Variants in PACSIN2 observed in about 807,000 individuals in gnomAD.
PACSIN2 encodes the protein protein kinase C and casein kinase substrate in neurons protein 2.
A neutral mutation model predicts 63.8 loss-of-function variants in PACSIN2; 25 were observed. The ratio of observed to expected loss-of-function variants is 0.39; its 90% CI spans 0.29 to 0.55. The LOEUF (loss-of-function observed/expected upper bound fraction) is 0.55. Ranked by LOEUF, PACSIN2 falls within the 20% of genes least tolerant of loss-of-function variation. The pLI is 0.62. For synonymous variants in PACSIN2, 255 were observed against 256.2 expected (o/e 1.00, Z 0.05); for missense variants, 518 against 646.9 (o/e 0.80, Z 2.16).
At chr22:42,952,636 C>A (rs886234562) in intron 1 of PACSIN2, among the ~76,000 whole-genome samples, 2 of 150,258 alleles carry the variant, frequency 1.3e-5, no homozygotes, top group African/African-American at 4.9e-5. Flanking sequence ...GGATTATAGA[C>A]GTTGAGCCAC....
At chr22:42,983,964 C>CTTTTT (rs532427677) in intron 1 of PACSIN2, among the ~76,000 whole-genome samples, 20 of 104,620 alleles carry the variant, frequency 1.9e-4, no homozygotes, top group African/African-American at 8.0e-4. Flanking sequence ...GCACTTAGCA[C>CTTTTT]TTTTTTTTTT....
intron 1 of PACSIN2, among the ~76,000 whole-genome samples, chr22:42,976,793 T>C (rs5759067): frequency 0.58 from 87,384 of 151,972 alleles, 25,555 homozygotes; most frequent in East Asian, 0.81. Context: ...TACAGCAGTA[T>C]TGTAATTGTC....
chr22:42,902,104 G>C (rs1396389390), intron 2 of PACSIN2, among the ~76,000 whole-genome samples: 4 of 152,356 alleles, frequency 2.6e-5, no homozygotes, highest in Middle Eastern at 6.8e-3. Context: ...GGGATATAGT[G>C]GTGAACAAAC....
At chr22:43,003,725 A>G (rs1194654701) in intron 1 of PACSIN2, among the ~76,000 whole-genome samples, 2 of 152,258 alleles carry the variant, frequency 1.3e-5, no homozygotes, top group African/African-American at 4.8e-5. Context: ...AGTCCTCTAC[A>G]GAAACACAAT....
chr22:42,938,670 T>C (rs539047546), intron 1 of PACSIN2, among the ~76,000 whole-genome samples: 26 of 152,328 alleles, frequency 1.7e-4, no homozygotes, highest in Admixed American at 9.1e-4. Flanking sequence ...CCTGGCACAG[T>C]GGCATTCCGG....
chr22:42,946,370 C>T (rs1382429149), intron 1 of PACSIN2, among the ~76,000 whole-genome samples: 3 of 152,216 alleles, frequency 2.0e-5, no homozygotes, highest in Admixed American at 1.3e-4. Context: ...CTGACTGCCA[C>T]TGCATCCAGG....
intron 1 of PACSIN2, among the ~76,000 whole-genome samples, chr22:42,918,353 C>T (rs1931948316): frequency 6.6e-6 from 1 of 152,226 alleles, no homozygotes; most frequent in South Asian, 2.1e-4. Context: ...AGCAAGACTG[C>T]TCCACCTGGG....
chr22:42,910,207 T>C (rs1931356425), intron 2 of PACSIN2, among the ~76,000 whole-genome samples: 1 of 152,196 alleles, frequency 6.6e-6, no homozygotes, highest in Non-Finnish European at 1.5e-5. Flanking sequence ...AAGGGCCTTT[T>C]GAGTGTGCTT....
Position 42,879,032 on chromosome 22 carries a change from G to A in PACSIN2, c.1028+16C>T. ...CATGGAACGGCCTCTTTTGGATGGA[G>A]GTGGCGCCCACTCACCTGCTGGGCT... On this transcript the variant is annotated intron_variant, in intron 8 of 10. Transcript: ENST00000263246. 1 of 1,610,344 alleles carries A rather than the reference G, an allele frequency of 6.2e-7. No individual in the cohort carries two copies. Among genetic ancestry groups the A allele is most frequent in the Non-Finnish European group, 8.5e-7 (1 of 1,177,788 alleles).
intron 1 of PACSIN2, among the ~76,000 whole-genome samples, chr22:42,980,533 C>T (rs1224418351): frequency 7.3e-6 from 1 of 136,374 alleles, no homozygotes; most frequent in East Asian, 2.3e-4. Flanking sequence ...CCCTCTGATG[C>T]CGAGCCAAAG....
chr22:43,001,477 T>G (rs1051722300), intron 1 of PACSIN2, among the ~76,000 whole-genome samples: 1 of 152,230 alleles, frequency 6.6e-6, no homozygotes, highest in African/African-American at 2.4e-5. Context: ...CTCTAAAATT[T>G]TGTTTTACTG....
chr22:42,889,329 G>T (rs1367628303), intron 4 of PACSIN2, among the ~76,000 whole-genome samples: 1 of 146,544 alleles, frequency 6.8e-6, no homozygotes, highest in African/African-American at 2.5e-5. Flanking sequence ...ACCATACTAG[G>T]GGGCAGGGCC....
intron 1 of PACSIN2, among the ~76,000 whole-genome samples, chr22:42,981,775 G>A (rs1450762419): frequency 8.3e-6 from 1 of 120,418 alleles, no homozygotes; most frequent in Non-Finnish European, 1.8e-5. Flanking sequence ...GGAGGGAGGT[G>A]GGTGGGTCAG....
At chr22:42,961,749 G>A (rs1252166903) in intron 1 of PACSIN2, among the ~76,000 whole-genome samples, 2 of 151,992 alleles carry the variant, frequency 1.3e-5, no homozygotes, top group Non-Finnish European at 2.9e-5. Context: ...CTCTAGCCTG[G>A]GTGACAGAGC....
chr22:42,936,316 T>C (rs738388), intron 1 of PACSIN2, among the ~76,000 whole-genome samples: 27,264 of 151,686 alleles, frequency 0.18, 4,135 homozygotes, highest in East Asian at 0.7. Context: ...TGCGGGGAAA[T>C]ACCTGTCTCT....
intron 10 of PACSIN2, among the ~76,000 whole-genome samples, chr22:42,874,871 A>G (rs2092665): frequency 0.39 from 53,365 of 135,534 alleles, 10,440 homozygotes; most frequent in Non-Finnish European, 0.45. Context: ...TTTTTTTTGA[A>G]AAAGAGTTTT....
chr22:42,910,776 A>G (rs1204615120), intron 2 of PACSIN2, among the ~76,000 whole-genome samples: 1 of 152,164 alleles, frequency 6.6e-6, no homozygotes, highest in Non-Finnish European at 1.5e-5. Flanking sequence ...GAGGGGTGGC[A>G]GCAGAGAGGA....
At chr22:42,937,157 G>A (rs1048463483) in intron 1 of PACSIN2, among the ~76,000 whole-genome samples, 6 of 152,186 alleles carry the variant, frequency 3.9e-5, no homozygotes, top group Non-Finnish European at 7.4e-5. Flanking sequence ...CAGGTGCTAT[G>A]CAGAGAAATA....
intron 1 of PACSIN2, among the ~76,000 whole-genome samples, chr22:42,963,842 T>C (rs1423028744): frequency 1.1e-5 from 1 of 94,772 alleles, no homozygotes; most frequent in Admixed American, 1.4e-4. Context: ...ATAAAATTTC[T>C]ACAATTTTTT....
Sources: gnomAD v4.1 joint callset for allele counts (sites outside exome capture counted in the v4.1 genomes callset) on GRCh38, gnomAD v4.1.1 for gene constraint, MANE v1.5 for transcripts, NCBI Gene and HGNC (gene_info 2026-07-23, HGNC 2026-07-21) for gene names.